The following PPM1A variants were observed in gnomAD, a reference collection of about 807,000 sequenced individuals.
The protein encoded by PPM1A is protein phosphatase 1A.
PPM1A carries 7 observed loss-of-function variants against 35.0 expected under a neutral mutation model. That is an observed-to-expected ratio of 0.20 (90% confidence interval 0.11 to 0.38). The LOEUF is 0.38. Ranked by LOEUF, PPM1A falls within the 10% of genes least tolerant of loss-of-function variation. PPM1A has a pLI of 1.00. For missense variants in PPM1A, 239 were observed against 467.8 expected, an observed-to-expected ratio of 0.51 and a Z score of 4.51; for synonymous variants, 153 against 167.3, an observed-to-expected ratio of 0.91 and a Z score of 0.66.
rs1882023351 is a variant in PPM1A at position 60,249,289 on chromosome 14, C to A, written c.-409C>A. ...CGCGCGGGAGCTAGAGAGCAGTGGT[C>A]TCGGCGCTCGTCCGGCCCGCAGCTT... On this transcript the variant is annotated 5_prime_UTR_variant, in exon 1 of 6. Transcript: ENST00000395076. This position sits in a 1 kb window ranked among gnomAD's most constrained non-coding sequence, Gnocchi z 4.5. The A allele has an allele frequency of 6.2e-6, 6 of 974,722 alleles. No individual in the cohort carries two copies. Among genetic ancestry groups the A allele is most frequent in the South Asian group, 4.7e-5 (1 of 21,284 alleles). 60.4% of individuals were successfully genotyped at this position (974,722 alleles called of 1,614,324 possible). A position where few individuals can be genotyped will look rare whatever the true frequency, so the allele number is the denominator to read the frequency against.
intron 1 of PPM1A, among the ~76,000 whole-genome samples, chr14:60,276,328 A>G (rs1435422307): frequency 6.6e-6 from 1 of 152,102 alleles, no homozygotes; most frequent in Non-Finnish European, 1.5e-5. Flanking sequence ...GTAGTCTCTC[A>G]CTATATATTT....
chr14:60,267,245 C>G (rs1384003125), intron 1 of PPM1A: 4 of 151,936 alleles, frequency 2.6e-5, no homozygotes, highest in East Asian at 1.9e-4. Context: ...GTTCTTTTTT[C>G]TTTCCTGGGA....
chr14:60,263,269 T>C (rs957976646), intron 1 of PPM1A, among the ~76,000 whole-genome samples: 4 of 152,168 alleles, frequency 2.6e-5, no homozygotes, highest in Non-Finnish European at 4.4e-5. Flanking sequence ...CATCTTAAAT[T>C]CTTAGAGCCT....
At position 60,285,631 on chromosome 14, in the gene PPM1A, G is replaced by A. The variant is rs1313769909; in HGVS notation, c.842G>A (p.Arg281Gln). 8 of 1,611,748 alleles carry A rather than the reference G, an allele frequency of 5.0e-6. No individual in the cohort carries two copies. The highest frequency in any genetic ancestry group is 6.8e-6 in the Non-Finnish European group (8 of 1,179,134). The change falls in exon 3 of 6, where the codon CGA (arginine) becomes CAA (glutamine). Residue 281 changes from arginine to glutamine, a missense_variant. Arg to Gln is a conservative substitution (Grantham distance 43). Transcript: ENST00000395076. ...AAATTTTTTTCTTCCCAGGGAAGTC[G>A]AGACAACATGAGTGTGATTTTGATC... ...VVDTCLYKGS[R>Q]DNMSVILICF...
At chr14:60,255,158 T>A (rs1882909561) in intron 1 of PPM1A, among the ~76,000 whole-genome samples, 1 of 108,956 alleles carries the variant, frequency 9.2e-6, no homozygotes, top group Admixed American at 8.0e-5. Flanking sequence ...TTCTATCATA[T>A]GTTTTTTTTT....
intron 2 of PPM1A, among the ~76,000 whole-genome samples, chr14:60,284,541 C>T (rs1236946221): frequency 6.6e-6 from 1 of 150,896 alleles, no homozygotes; most frequent in East Asian, 2.0e-4. Flanking sequence ...ACGCGGGAGG[C>T]TGAGGCAGGA....
chr14:60,296,206 T>C lies in PPM1A; in HGVS notation c.*3724T>C, dbSNP rs931816243. On this transcript the variant is annotated 3_prime_UTR_variant, in exon 6 of 6. Transcript: ENST00000395076. This position sits in a 1 kb window ranked among gnomAD's most constrained non-coding sequence, Gnocchi z 4.4. ...TATCAAATTTTAGCCAAATTATTAC[T>C]ATGTGTTTTAATATTTTAAAATAAT... 2.0e-5 allele frequency: 3 copies of C among 151,782 alleles called. No homozygotes were observed. The highest frequency in any genetic ancestry group is 2.0e-4 in the Admixed American group (3 of 15,222). The allele number at this position is 151,782 out of a possible 1,614,324, so 9.4% of individuals were successfully genotyped here.
chr14:60,264,279 C>A (rs1175251221), intron 1 of PPM1A, among the ~76,000 whole-genome samples: 1 of 152,060 alleles, frequency 6.6e-6, no homozygotes, highest in Non-Finnish European at 1.5e-5. Flanking sequence ...AAACTTGGAT[C>A]TCTGAGAAGT....
At chr14:60,262,039 T>G (rs1883802746) in intron 1 of PPM1A, among the ~76,000 whole-genome samples, 2 of 152,176 alleles carry the variant, frequency 1.3e-5, no homozygotes. Flanking sequence ...TTATACTTAA[T>G]TTTTTAAGGA....
intron 1 of PPM1A, among the ~76,000 whole-genome samples, chr14:60,262,772 T>C (rs1197203655): frequency 2.0e-5 from 3 of 152,216 alleles, no homozygotes; most frequent in African/African-American, 4.8e-5. Context: ...ATCATGAATA[T>C]AGAAAATATG....
intron 1 of PPM1A, among the ~76,000 whole-genome samples, chr14:60,258,345 T>G (rs1043028062): frequency 2.0e-5 from 3 of 152,142 alleles, no homozygotes; most frequent in African/African-American, 7.2e-5. Flanking sequence ...GCTTATTGTG[T>G]AGAGAAAACT....
chr14:60,247,938 A>G (rs1159263741), upstream of PPM1A, among the ~76,000 whole-genome samples: 1 of 152,192 alleles, frequency 6.6e-6, no homozygotes, highest in Non-Finnish European at 1.5e-5. Context: ...TGCCTTCTAC[A>G]ATGAAGTCTT....
chr14:60,263,155 T>C (rs996186937), intron 1 of PPM1A, among the ~76,000 whole-genome samples: 2 of 151,966 alleles, frequency 1.3e-5, no homozygotes, highest in African/African-American at 4.8e-5. Context: ...GAGGTGGAGG[T>C]TGCAGTAAGC....
upstream of PPM1A, among the ~76,000 whole-genome samples, chr14:60,247,860 TAG>T (rs939615918): frequency 6.6e-6 from 1 of 152,062 alleles, no homozygotes; most frequent in African/African-American, 2.4e-5. Context: ...TCAAGTAAAA[TAG>T]AGAGGCCTTC....
At position 60,268,485 on chromosome 14, in the gene PPM1A, A is replaced by G. The variant is rs957515892; in HGVS notation, c.-20-14199A>G. ...AATTTTAAATAATTTTTTTAGTTAG[A>G]CTATTTAGTGGCTTACCTATTTTAT... On this transcript the variant is annotated intron_variant, in intron 1 of 5. Transcript: ENST00000395076. The G allele has an allele frequency of 3.8e-5, 29 of 765,664 alleles. No homozygotes were observed. The African/African-American group carries it at 4.9e-4, about 13-fold the overall frequency. 47.4% of individuals were successfully genotyped at this position (765,664 alleles called of 1,614,324 possible).
chr14:60,268,652 T>A (rs1008976465), intron 1 of PPM1A, among the ~76,000 whole-genome samples: 5 of 151,948 alleles, frequency 3.3e-5, no homozygotes, highest in African/African-American at 4.8e-5. Flanking sequence ...CTGGTTTTTT[T>A]AACTAAGTGT....
intron 3 of PPM1A, chr14:60,288,590 TG>T (rs1042045604): frequency 2.1e-6 from 2 of 968,188 alleles, no homozygotes. Context: ...GATTTAAGAC[TG>T]TTTTTTTTTT....
Position 60,282,041 on chromosome 14 carries a change from A to C in PPM1A, c.-20-643A>C, listed in dbSNP as rs1287557742. 2.0e-5 allele frequency among the ~76,000 whole-genome samples: 3 copies of C among 152,206 alleles called. No homozygotes were observed. The highest frequency in any genetic ancestry group is 4.4e-5 in the Non-Finnish European group (3 of 68,022). ...ACTTTATCAAAAACTGAAAAACCTCATGGAAAAGGTAGAATGTAAGGTAGA... is the reference window on the plus strand; with the variant it reads ...ACTTTATCAAAAACTGAAAAACCTCCTGGAAAAGGTAGAATGTAAGGTAGA... On this transcript the variant is annotated intron_variant, in intron 1 of 5. Transcript: ENST00000395076. The surrounding 1 kb of genome is among the most constrained non-coding windows in gnomAD (Gnocchi z 5.1).
At chr14:60,263,214 C>T (rs1175335191) in intron 1 of PPM1A, among the ~76,000 whole-genome samples, 1 of 151,550 alleles carries the variant, frequency 6.6e-6, no homozygotes, top group Non-Finnish European at 1.5e-5. Context: ...GAGACTCCGT[C>T]TCAAAAAAAA....
Sources: gnomAD v4.1 joint callset for allele counts (sites outside exome capture counted in the v4.1 genomes callset) on GRCh38, gnomAD v4.1.1 for gene constraint, Gnocchi (gnomAD v3.1) non-coding constraint, MANE v1.5 for transcripts, NCBI Gene and HGNC (gene_info 2026-07-23, HGNC 2026-07-21) for gene names.